Variants in ITGA9 observed in about 807,000 individuals in gnomAD.
ITGA9 encodes the protein integrin alpha-9.
A neutral mutation model predicts 127.8 loss-of-function variants in ITGA9; 56 were observed. The observed-to-expected ratio is 0.44, with a 90% CI of 0.35 to 0.55. The LOEUF (loss-of-function observed/expected upper bound fraction) is 0.55, where lower values mean the gene tolerates loss of function less well. Among genes scored for constraint, ITGA9 ranks in the 20% least tolerant of loss-of-function variants. The pLI, the probability that ITGA9 is intolerant of heterozygous loss-of-function variation, is 0.00. For synonymous variants in ITGA9, 508 were observed against 514.5 expected (o/e 0.99, Z 0.17); for missense variants, 1,196 against 1,347.1 (o/e 0.89, Z 1.76).
intron 16 of ITGA9, among the ~76,000 whole-genome samples, chr3:37,651,364 C>T (rs1700428160): frequency 6.6e-6 from 1 of 152,164 alleles, no homozygotes; most frequent in Admixed American, 6.5e-5. Context: ...TGGTTAGGGG[C>T]CTGGAGCTTT....
intron 16 of ITGA9, among the ~76,000 whole-genome samples, chr3:37,640,797 C>G (rs1040650107): frequency 6.6e-6 from 1 of 152,212 alleles, no homozygotes; most frequent in African/African-American, 2.4e-5. Context: ...AGCACTCACC[C>G]TTTAGAGCCT....
chr3:37,789,994 G>A, intron 26 of ITGA9: 2 of 590,868 alleles, frequency 3.4e-6, no homozygotes, highest in Non-Finnish European at 3.0e-6. Context: ...TTTAAGAAGG[G>A]AATTCACATC....
intron 11 of ITGA9, among the ~76,000 whole-genome samples, chr3:37,520,970 G>A (rs1699038366): frequency 6.6e-6 from 1 of 152,214 alleles, no homozygotes; most frequent in South Asian, 2.1e-4. Flanking sequence ...GTTGCTGGGT[G>A]GAATCCCTGT....
rs770854889 is a variant in ITGA9 at position 37,503,223 on chromosome 3, A to G, written c.658A>G (p.Thr220Ala). Residue 220 changes from threonine (T) to alanine (A), a missense_variant, in exon 6 of 28, where the codon ACC becomes GCC. Coordinates refer to ENST00000264741, the MANE Select transcript of ITGA9 (RefSeq NM_002207.3). ...TCCAGGGTCATTTTATTGGGCTGGA[A>G]CCATCAAAGTGCTGAACCTTACGGA... ...GAPGSFYWAG[T>A]IKVLNLTDNT... is the part of the protein sequence containing the mutation. The G allele has an allele frequency of 8.7e-6, 14 of 1,613,968 alleles. No homozygotes were observed. The highest frequency in any genetic ancestry group is 6.8e-6 in the Non-Finnish European group (8 of 1,179,970).
chr3:37,458,106 G>A (rs1056174350), intron 1 of ITGA9, among the ~76,000 whole-genome samples: 2 of 152,172 alleles, frequency 1.3e-5, no homozygotes, highest in Admixed American at 6.5e-5. Flanking sequence ...AATGAATTTC[G>A]TCAGATAGTA....
intron 23 of ITGA9, among the ~76,000 whole-genome samples, chr3:37,765,673 C>T (rs570488834): frequency 1.2e-3 from 185 of 152,264 alleles, no homozygotes; most frequent in Non-Finnish European, 1.9e-3. Flanking sequence ...AGGGAGAAAG[C>T]GTGTGTGTTT....
intron 23 of ITGA9, among the ~76,000 whole-genome samples, chr3:37,767,499 C>A (rs1696793048): frequency 6.6e-6 from 1 of 152,182 alleles, no homozygotes; most frequent in South Asian, 2.1e-4. Flanking sequence ...CTAGGTCATT[C>A]TTTAACTTCT....
At chr3:37,749,592 C>A (rs1466388042) in intron 22 of ITGA9, 1 of 152,240 alleles carries the variant, frequency 6.6e-6, no homozygotes, top group Non-Finnish European at 1.5e-5. Flanking sequence ...TCAGCTTTTT[C>A]CTCTCCCTCC....
intron 15 of ITGA9, among the ~76,000 whole-genome samples, chr3:37,556,108 G>A (rs1238758378): frequency 6.6e-6 from 1 of 152,218 alleles, no homozygotes; most frequent in Non-Finnish European, 1.5e-5. Flanking sequence ...ATGAACTGAA[G>A]CACTCTTCCT....
chr3:37,513,584 C>T (rs956085812), intron 8 of ITGA9, among the ~76,000 whole-genome samples, 179 bp from the exon 9 acceptor site: 1 of 147,948 alleles, frequency 6.8e-6, no homozygotes, highest in Non-Finnish European at 1.5e-5. Context: ...TATCCCTCCC[C>T]CCTCCCCCAA....
chr3:37,803,972 G>A, intron 27 of ITGA9, 30 bp downstream of exon 27: 1 of 1,613,830 alleles, frequency 6.2e-7, no homozygotes, highest in Non-Finnish European at 8.5e-7. Flanking sequence ...GTCCCCCTGG[G>A]GTCCCCACTC....
chr3:37,637,540 C>T (rs535411191), intron 16 of ITGA9, among the ~76,000 whole-genome samples: 5 of 152,176 alleles, frequency 3.3e-5, no homozygotes, highest in African/African-American at 7.2e-5. Flanking sequence ...GGGGCTGAGA[C>T]GAAGGGGTTT....
At chr3:37,567,756 A>G (rs1699561504) in intron 15 of ITGA9, among the ~76,000 whole-genome samples, 1 of 152,200 alleles carries the variant, frequency 6.6e-6, no homozygotes, top group Non-Finnish European at 1.5e-5. Flanking sequence ...ATCTCCTTTT[A>G]CTTCATGTCT....
intron 15 of ITGA9, among the ~76,000 whole-genome samples, chr3:37,552,197 C>A (rs9855169): frequency 0.044 from 6,346 of 145,784 alleles, 441 homozygotes; most frequent in African/African-American, 0.16. Flanking sequence ...AGGAAAGATT[C>A]GGAGCCAGCT....
At chr3:37,735,823 C>A (rs943378151) in intron 19 of ITGA9, among the ~76,000 whole-genome samples, 1 of 152,176 alleles carries the variant, frequency 6.6e-6, no homozygotes, top group Non-Finnish European at 1.5e-5. Context: ...GTGGGTGATA[C>A]GTGGACGCAG....
chr3:37,708,643 T>TCCCCACACAACAAGG (rs1405084105), intron 18 of ITGA9, among the ~76,000 whole-genome samples: 12 of 250 alleles, frequency 0.048, no homozygotes, highest in Middle Eastern at 0.5. Context: ...GGGATGCTGC[T>TCCCCACACAACAAGG]AAATACCCCA....
rs1367042965 is a variant in ITGA9 at position 37,821,606 on chromosome 3, G to C, written c.*2617G>C. 1 of 152,184 alleles carries C rather than the reference G, an allele frequency of 6.6e-6. No homozygotes were observed. The highest frequency in any genetic ancestry group is 1.5e-5 in the Non-Finnish European group (1 of 68,064). The allele number at this position is 152,184 out of a possible 1,614,324, so 9.4% of individuals were successfully genotyped here. ...AGCAACTAACTTGCCTCCTGCCGGG[G>C]TGTAGGTGCGTTGGTGACAGTGTAG... is the stretch of plus-strand genomic sequence containing the variant. On this transcript the variant is annotated 3_prime_UTR_variant, in exon 28 of 28. Coordinates refer to ENST00000264741, the MANE Select transcript of ITGA9 (RefSeq NM_002207.3).
intron 23 of ITGA9, among the ~76,000 whole-genome samples, chr3:37,751,615 T>G (rs1260974241): frequency 1.3e-5 from 2 of 152,080 alleles, no homozygotes; most frequent in African/African-American, 4.8e-5. Flanking sequence ...TTACTGATCA[T>G]CGAGCCAAGG....
At chr3:37,796,370 GAA>G (rs933093018) in intron 26 of ITGA9, among the ~76,000 whole-genome samples, 1 of 152,102 alleles carries the variant, frequency 6.6e-6, no homozygotes, top group Non-Finnish European at 1.5e-5. Flanking sequence ...CTAGAAGCTG[GAA>G]GTTCTGTGAA....
Sources: allele counts gnomAD v4.1 joint callset (sites outside exome capture counted in the v4.1 genomes callset), GRCh38; gene constraint gnomAD v4.1.1; transcripts MANE v1.5; gene names NCBI Gene and HGNC (gene_info 2026-07-23, HGNC 2026-07-21).